The following GPC5 variants were observed in gnomAD, a reference collection of about 807,000 sequenced individuals.
The protein encoded by GPC5 is glypican-5.
In GPC5, 47 loss-of-function variants were observed where a neutral mutation model predicts 53.9. The observed-to-expected ratio is 0.87, with a 90% confidence interval of 0.69 to 1.11. The LOEUF is 1.11. Ranked by LOEUF, GPC5 falls within the 50% of genes most tolerant of loss-of-function variation. The pLI is 0.00. For missense variants in GPC5, 748 were observed against 713.1 expected, an observed-to-expected ratio of 1.05 and a Z score of -0.56; for synonymous variants, 286 against 263.3, an observed-to-expected ratio of 1.09 and a Z score of -0.84.
At chr13:91,961,275 AC>A (rs2040123057) in intron 6 of GPC5, among the ~76,000 whole-genome samples, 1 of 152,028 alleles carries the variant, frequency 6.6e-6, no homozygotes, top group Non-Finnish European at 1.5e-5. Flanking sequence ...ATAAAGTGTC[AC>A]ATGTACCTTG....
At position 92,430,441 on chromosome 13, in the gene GPC5, C is replaced by G. The variant is rs1877035332; in HGVS notation, c.1561+285452C>G. 5.9e-5 allele frequency among the ~76,000 whole-genome samples: 9 copies of G among 152,236 alleles called. No homozygotes were observed. The South Asian group carries it at 1.9e-3, about 32-fold the overall frequency. Reference sequence around the variant, plus strand: ...AGGCAGTAACGAAACTCTTCAGAGTCAATCTCAATGAAGTTATTTGAGAAT... The same window carrying G: ...AGGCAGTAACGAAACTCTTCAGAGTGAATCTCAATGAAGTTATTTGAGAAT... On this transcript the variant is annotated intron_variant, in intron 7 of 7. Coordinates refer to ENST00000377067, the MANE Select transcript of GPC5 (RefSeq NM_004466.6).
chr13:91,579,624 C>CTTTTCTTTTTT (rs2032274473), intron 2 of GPC5, among the ~76,000 whole-genome samples: 1 of 102,602 alleles, frequency 9.7e-6, no homozygotes, highest in African/African-American at 3.3e-5. Flanking sequence ...TTTTCTTTTT[C>CTTTTCTTTTTT]TTTTTTTTTT....
chr13:91,596,234 ATTG>A (rs1375823155), intron 2 of GPC5, among the ~76,000 whole-genome samples: 2 of 152,046 alleles, frequency 1.3e-5, no homozygotes, highest in African/African-American at 2.4e-5. Flanking sequence ...ATTTTAATCT[ATTG>A]TTGTCTTATA....
chr13:91,850,911 T>A (rs577473122), intron 5 of GPC5, among the ~76,000 whole-genome samples: 1 of 152,316 alleles, frequency 6.6e-6, no homozygotes, highest in Non-Finnish European at 1.5e-5. Context: ...ATATGAATAG[T>A]CATTTTTTAT....
chr13:92,557,046 T>G (rs1167495552), intron 7 of GPC5, among the ~76,000 whole-genome samples: 1 of 151,846 alleles, frequency 6.6e-6, no homozygotes, highest in Non-Finnish European at 1.5e-5. Context: ...CAGGATTGAC[T>G]ATGCTTGATA....
At chr13:91,465,758 C>T (rs1882196935) in intron 2 of GPC5, among the ~76,000 whole-genome samples, 1 of 151,796 alleles carries the variant, frequency 6.6e-6, no homozygotes, top group Admixed American at 6.6e-5. Context: ...ACTTTTTTTC[C>T]TCAAAGGGAA....
chr13:92,804,796 A>C (rs1040561943), intron 7 of GPC5, among the ~76,000 whole-genome samples: 5 of 152,082 alleles, frequency 3.3e-5, no homozygotes, highest in Non-Finnish European at 5.9e-5. Context: ...AATTGAAATC[A>C]ATCTTCTCAA....
At chr13:91,698,577 A>G (rs1373599659) in intron 3 of GPC5, among the ~76,000 whole-genome samples, 1 of 152,224 alleles carries the variant, frequency 6.6e-6, no homozygotes, top group Non-Finnish European at 1.5e-5. Flanking sequence ...TTTTCCTACA[A>G]TATGGATGTA....
At chr13:91,438,304 G>T (rs550542722) in intron 1 of GPC5, among the ~76,000 whole-genome samples, 1 of 152,142 alleles carries the variant, frequency 6.6e-6, no homozygotes, top group African/African-American at 2.4e-5. Flanking sequence ...ATCTACCTTT[G>T]GTCTTTGATG....
At chr13:92,198,412 A>G (rs1465321935) in intron 7 of GPC5, among the ~76,000 whole-genome samples, 6 of 152,174 alleles carry the variant, frequency 3.9e-5, no homozygotes, top group Non-Finnish European at 8.8e-5. Flanking sequence ...TTATTAATTA[A>G]TAATACTTCT....
chr13:91,941,160 G>A (rs986817125), intron 6 of GPC5, among the ~76,000 whole-genome samples: 2 of 151,818 alleles, frequency 1.3e-5, no homozygotes, highest in Non-Finnish European at 2.9e-5. Context: ...GATGGTTATA[G>A]GCATGTGACT....
chr13:91,445,025 G>A (rs1880687507), intron 1 of GPC5, among the ~76,000 whole-genome samples: 1 of 152,190 alleles, frequency 6.6e-6, no homozygotes, highest in Admixed American at 6.5e-5. Flanking sequence ...CTTACGTGCT[G>A]TGGCTATAAC....
intron 7 of GPC5, among the ~76,000 whole-genome samples, chr13:92,785,983 C>T (rs190693222): frequency 1.8e-4 from 28 of 152,276 alleles, no homozygotes; most frequent in African/African-American, 6.3e-4. Context: ...ATAGTTTGTA[C>T]TTTGTCAATT....
chr13:91,436,399 T>C (rs1284086159), intron 1 of GPC5, among the ~76,000 whole-genome samples: 1 of 152,064 alleles, frequency 6.6e-6, no homozygotes, highest in Non-Finnish European at 1.5e-5. Flanking sequence ...TTTGTTCTCG[T>C]TGGTTTCAAA....
At chr13:92,495,473 A>C (rs9516083) in intron 7 of GPC5, among the ~76,000 whole-genome samples, 89,229 of 151,934 alleles carry the variant, frequency 0.59, 26,878 homozygotes, top group East Asian at 0.75. Context: ...AAAATATTTT[A>C]ATTTTATTCT....
At chr13:92,857,469 G>C (rs895813527) in intron 7 of GPC5, among the ~76,000 whole-genome samples, 2 of 152,044 alleles carry the variant, frequency 1.3e-5, no homozygotes, top group African/African-American at 4.8e-5. Flanking sequence ...TTGACAAGTT[G>C]GACCTAATTA....
intron 7 of GPC5, among the ~76,000 whole-genome samples, chr13:92,751,731 G>C (rs1889406946): frequency 6.8e-6 from 1 of 146,432 alleles, no homozygotes; most frequent in African/African-American, 2.5e-5. Flanking sequence ...ATGTACCCTA[G>C]AACTTAAAGT....
chr13:91,539,222 A>G (rs575255502), intron 2 of GPC5, among the ~76,000 whole-genome samples: 5 of 152,288 alleles, frequency 3.3e-5, no homozygotes, highest in African/African-American at 1.2e-4. Flanking sequence ...GCGTTAAAAC[A>G]ATTAGTTCTT....
rs540016708 is a variant in GPC5, at chr13:92,053,517, TTC to T, written c.1402-91305_1402-91304del. On this transcript the variant is annotated intron_variant, in intron 6 of 7. Transcript: ENST00000377067. ...TCTGCAAGATTTTTTATTTCTTTTTTTCTCTCTCTTCCGTTTTAGATTTTGGT... is the reference window on the plus strand; with the variant it reads ...TCTGCAAGATTTTTTATTTCTTTTTTTCTCTCTTCCGTTTTAGATTTTGGT... Among the ~76,000 whole-genome samples, 6 of 152,334 alleles carry T rather than the reference TTC, an allele frequency of 3.9e-5. No individual in the cohort carries two copies. The South Asian group carries it at 1.2e-3, about 32-fold the overall frequency.
Sources: allele counts gnomAD v4.1 joint callset (sites outside exome capture counted in the v4.1 genomes callset), GRCh38; gene constraint gnomAD v4.1.1; transcripts MANE v1.5; gene names NCBI Gene and HGNC (gene_info 2026-07-23, HGNC 2026-07-21).